ZNF248: variants seen among roughly 807,000 people sequenced by gnomAD.
ZNF248 encodes KRAB protein domain.
A neutral mutation model predicts 44.3 loss-of-function variants in ZNF248; 20 were observed. That is an observed-to-expected ratio of 0.45 (90% confidence interval 0.32 to 0.66). The LOEUF (loss-of-function observed/expected upper bound fraction) is 0.66, where lower values mean the gene tolerates loss of function less well. Ranked by LOEUF, ZNF248 falls within the 30% of genes least tolerant of loss-of-function variation. ZNF248 has a pLI of 0.04. For missense variants in ZNF248, 654 were observed against 677.0 expected, an observed-to-expected ratio of 0.97 and a Z score of 0.38; for synonymous variants, 224 against 229.0, an observed-to-expected ratio of 0.98 and a Z score of 0.20.
chr10:37,777,423 T>A (rs2046706143), intron 6 of ZNF248, among the ~76,000 whole-genome samples: 1 of 151,956 alleles, frequency 6.6e-6, no homozygotes, highest in African/African-American at 2.4e-5. Flanking sequence ...CCTGTTCCCC[T>A]CCCTCTTTTT....
intron 5 of ZNF248, among the ~76,000 whole-genome samples, chr10:37,835,389 T>C (rs1431173492): frequency 1.3e-5 from 2 of 152,230 alleles, no homozygotes; most frequent in African/African-American, 4.8e-5. Context: ...GTACCTCATT[T>C]GACTACAGGA....
At chr10:37,776,853 G>C (rs2046628899) in intron 6 of ZNF248, among the ~76,000 whole-genome samples, 1 of 152,090 alleles carries the variant, frequency 6.6e-6, no homozygotes, top group Non-Finnish European at 1.5e-5. Flanking sequence ...CTGGCCATGT[G>C]ACCTTCACCA....
chr10:37,789,574 A>G (rs913662138), intron 6 of ZNF248, among the ~76,000 whole-genome samples: 10 of 152,232 alleles, frequency 6.6e-5, no homozygotes, highest in African/African-American at 2.4e-4. Flanking sequence ...AAGGTAAAAC[A>G]TAATTATAGA....
rs1185957723 is a variant in ZNF248, at chr10:37,832,935, A to G, written c.420T>C (p.Cys140=). 6.2e-7 allele frequency: 1 copy of G among 1,613,388 alleles called. No homozygotes were observed. The highest frequency in any genetic ancestry group is 1.1e-5 in the South Asian group (1 of 90,996). Residue 140 remains cysteine (C), a synonymous_variant, in exon 6 of 6, where the codon TGT becomes TGC. Transcript: ENST00000395867. Reference sequence around the variant, plus strand: ...TTTTCAAATTCATTTCACATGAGTCACATATTTTATAGGGATAATTTCTTA... The same window carrying G: ...TTTTCAAATTCATTTCACATGAGTCGCATATTTTATAGGGATAATTTCTTA... ...VSLRNYPYKI[C]DSCEMNLKNI...
intron 6 of ZNF248, among the ~76,000 whole-genome samples, chr10:37,804,765 A>G (rs2050322913): frequency 1.3e-5 from 2 of 152,218 alleles, no homozygotes; most frequent in Admixed American, 6.5e-5. Flanking sequence ...GTGAATCTTA[A>G]TATCAAGGAT....
intron 3 of ZNF248, among the ~76,000 whole-genome samples, chr10:37,839,399 C>A (rs2134164744): frequency 6.6e-6 from 1 of 152,006 alleles, no homozygotes; most frequent in East Asian, 1.9e-4. Context: ...CACCTAGCAC[C>A]CTAATTTTTG....
intron 6 of ZNF248, among the ~76,000 whole-genome samples, chr10:37,823,619 G>C (rs2053862341): frequency 6.6e-6 from 1 of 151,922 alleles, no homozygotes; most frequent in African/African-American, 2.4e-5. Flanking sequence ...TGTTGCCCAG[G>C]CTGGAGGGCA....
chr10:37,809,795 G>T (rs565370642), intron 6 of ZNF248, among the ~76,000 whole-genome samples: 137 of 151,972 alleles, frequency 9.0e-4, no homozygotes, highest in Non-Finnish European at 1.6e-3. Flanking sequence ...CTTATGGGTT[G>T]TTTAAAGGTA....
rs1296432757 is a variant in ZNF248 at position 37,829,302 on chromosome 10, C to G, written c.*2313G>C. On this transcript the variant is annotated 3_prime_UTR_variant, in exon 6 of 6. Coordinates refer to ENST00000395867, the MANE Select transcript of ZNF248 (RefSeq NM_021045.3). Reference sequence around the variant, plus strand: ...GCAATGGCTTCCTGCTGATACAAGTCTCTGGGTGTTTCACTGTCCCTTGTT... The same window carrying G: ...GCAATGGCTTCCTGCTGATACAAGTGTCTGGGTGTTTCACTGTCCCTTGTT... 1.0e-6 allele frequency: 1 copy of G among 985,314 alleles called. No individual in the cohort carries two copies. The highest frequency in any genetic ancestry group is 1.7e-5 in the African/African-American group (1 of 57,234). The allele number at this position is 985,314 out of a possible 1,614,324, so 61.0% of individuals were successfully genotyped here. A position where few individuals can be genotyped will look rare whatever the true frequency, so the allele number is the denominator to read the frequency against.
chr10:37,779,060 T>C (rs1309611473), intron 6 of ZNF248, among the ~76,000 whole-genome samples: 1 of 152,130 alleles, frequency 6.6e-6, no homozygotes, highest in African/African-American at 2.4e-5. Context: ...ACCAGATGGA[T>C]TCACAGCCAA....
chr10:37,802,030 T>G (rs2049897053), intron 6 of ZNF248, among the ~76,000 whole-genome samples: 1 of 152,218 alleles, frequency 6.6e-6, no homozygotes, highest in South Asian at 2.1e-4. Context: ...TTCGATAATC[T>G]GGGACATTAT....
intron 6 of ZNF248, among the ~76,000 whole-genome samples, chr10:37,793,444 C>G (rs2048792965): frequency 6.6e-6 from 1 of 152,084 alleles, no homozygotes; most frequent in Non-Finnish European, 1.5e-5. Context: ...TGGTTCGATA[C>G]CAATGGCCAA....
the ZNF248 span, among the ~76,000 whole-genome samples, chr10:37,762,428 G>A: frequency 6.6e-6 from 1 of 152,146 alleles, no homozygotes; most frequent in Admixed American, 6.6e-5. Flanking sequence ...ATATGTAACA[G>A]ACCTGGGATT....
chr10:37,820,392 G>A (rs2053268819), intron 6 of ZNF248: 3 of 1,487,772 alleles, frequency 2.0e-6, no homozygotes, highest in Non-Finnish European at 9.4e-7. Flanking sequence ...TAGCATTGCT[G>A]ACATGAGGCT....
the ZNF248 span, among the ~76,000 whole-genome samples, chr10:37,760,114 A>G: frequency 2.0e-5 from 3 of 152,220 alleles, no homozygotes; most frequent in Admixed American, 1.3e-4. Flanking sequence ...TGCAAATCCA[A>G]TCAGAATGCA....
intron 6 of ZNF248, among the ~76,000 whole-genome samples, chr10:37,815,527 T>G (rs1367484109): frequency 6.6e-6 from 1 of 152,084 alleles, no homozygotes; most frequent in African/African-American, 2.4e-5. Context: ...TCCATTTTGT[T>G]TATAGTTTTC....
intron 3 of ZNF248, among the ~76,000 whole-genome samples, chr10:37,845,880 G>A (rs184872776): frequency 1.3e-5 from 2 of 152,234 alleles, no homozygotes; most frequent in East Asian, 3.9e-4. Context: ...ACACCCAACA[G>A]AAGAGCAAAA....
At position 37,832,264 on chromosome 10, in the gene ZNF248, T is replaced by C. The variant is rs1250354844; in HGVS notation, c.1091A>G (p.Lys364Arg). 1 of 1,614,088 alleles carries C rather than the reference T, an allele frequency of 6.2e-7. No individual in the cohort carries two copies. Residue 364 changes from lysine (K) to arginine (R), a missense_variant, in exon 6 of 6, where the codon AAG (lysine) becomes AGG (arginine). Physicochemically the swap from Lys to Arg is conservative, Grantham distance 26. Coordinates refer to ENST00000395867, the MANE Select transcript of ZNF248 (RefSeq NM_021045.3). ...YNENGSNFSKKSHLTQLRRAH... is the reference protein window; with the variant it reads ...YNENGSNFSKRSHLTQLRRAH... ...TCTCCGAAGCTGGGTAAGATGTGAC[T>C]TCTTGCTGAAATTACTCCCATTTTC...
At chr10:37,799,956 C>A (rs1447270423) in intron 6 of ZNF248, among the ~76,000 whole-genome samples, 1 of 151,718 alleles carries the variant, frequency 6.6e-6, no homozygotes, top group African/African-American at 2.4e-5. Flanking sequence ...GCTTGTTTTC[C>A]CAGCACTTTG....
Sources: gnomAD v4.1 joint callset for allele counts (sites outside exome capture counted in the v4.1 genomes callset) on GRCh38, gnomAD v4.1.1 for gene constraint, MANE v1.5 for transcripts, NCBI Gene and HGNC (gene_info 2026-07-23, HGNC 2026-07-21) for gene names.